LRRTM4: variants seen among roughly 807,000 people sequenced by gnomAD.
LRRTM4 encodes leucine-rich repeat transmembrane neuronal protein 4.
Under a neutral mutation model 47.6 loss-of-function variants are expected in LRRTM4, and 25 were observed. The observed-to-expected ratio is 0.53, with a 90% CI of 0.38 to 0.73. LRRTM4 has a LOEUF of 0.73. LRRTM4 is among the 30% of genes least tolerant of loss of function. LRRTM4 has a pLI of 0.00. For synonymous variants in LRRTM4, 311 were observed against 269.5 expected, an observed-to-expected ratio of 1.15 and a Z score of -1.51; for missense variants, 638 against 713.4, an observed-to-expected ratio of 0.89 and a Z score of 1.20.
rs577972818 is a variant in LRRTM4 at position 77,232,831 on chromosome 2, A to G, written c.1551+285487T>C. On this transcript the variant is annotated intron_variant, in intron 3 of 3. Coordinates refer to ENST00000409884, the MANE Select transcript of LRRTM4 (RefSeq NM_001134745.3). ...ATGGTTCTACATGGAAGTAACTTGC[A>G]TCTTAAGATCATATCATTTTTCATT... 7.9e-5 allele frequency among the ~76,000 whole-genome samples: 12 copies of G among 152,366 alleles called. 1 individual carries two copies. The South Asian group carries it at 2.5e-3, about 32-fold the overall frequency.
At chr2:76,845,929 T>C (rs2103951909) in intron 3 of LRRTM4, among the ~76,000 whole-genome samples, 1 of 152,234 alleles carries the variant, frequency 6.6e-6, no homozygotes, top group African/African-American at 2.4e-5. Context: ...ACAGTTGATC[T>C]TTGAACAAAA....
At chr2:76,834,707 G>T (rs115252306) in intron 3 of LRRTM4, among the ~76,000 whole-genome samples, 2,384 of 151,996 alleles carry the variant, frequency 0.016, 54 homozygotes, top group African/African-American at 0.05. Flanking sequence ...TATCTAGTTT[G>T]TTAGCTTATA....
At chr2:76,887,830 T>A (rs1673126386) in intron 3 of LRRTM4, among the ~76,000 whole-genome samples, 1 of 151,108 alleles carries the variant, frequency 6.6e-6, no homozygotes, top group African/African-American at 2.4e-5. Flanking sequence ...AAAATAATAA[T>A]TTACTACTTA....
chr2:77,316,342 T>A (rs533307809), intron 3 of LRRTM4, among the ~76,000 whole-genome samples: 25 of 152,326 alleles, frequency 1.6e-4, no homozygotes, highest in African/African-American at 6.0e-4. Context: ...TAGGCAATTA[T>A]GAAAAGACTT....
intron 3 of LRRTM4, among the ~76,000 whole-genome samples, chr2:76,921,727 T>G (rs1674439122): frequency 6.6e-6 from 1 of 152,120 alleles, no homozygotes; most frequent in South Asian, 2.1e-4. Flanking sequence ...TATATCCCTT[T>G]AATATTTCCC....
chr2:76,863,963 A>G (rs2091418158), intron 3 of LRRTM4, among the ~76,000 whole-genome samples: 1 of 152,200 alleles, frequency 6.6e-6, no homozygotes, highest in Admixed American at 6.5e-5. Context: ...TATGGGACCT[A>G]AAAAGATTCA....
chr2:77,124,049 A>T (rs1671589496), intron 3 of LRRTM4, among the ~76,000 whole-genome samples: 1 of 152,022 alleles, frequency 6.6e-6, no homozygotes, highest in Admixed American at 6.6e-5. Context: ...TGTGTTTGTG[A>T]GTGAAGTAGT....
At chr2:77,167,875 G>T (rs1379848659) in intron 3 of LRRTM4, among the ~76,000 whole-genome samples, 3 of 151,922 alleles carry the variant, frequency 2.0e-5, no homozygotes, top group Admixed American at 1.3e-4. Context: ...GGGTGCACCA[G>T]ACCAACATAG....
At chr2:77,367,636 T>C (rs1672511266) in intron 3 of LRRTM4, among the ~76,000 whole-genome samples, 1 of 151,876 alleles carries the variant, frequency 6.6e-6, no homozygotes, top group Non-Finnish European at 1.5e-5. Flanking sequence ...CAAGGATATT[T>C]CTGTTTCCAG....
intron 3 of LRRTM4, among the ~76,000 whole-genome samples, chr2:76,845,972 G>T (rs1260431074): frequency 6.6e-6 from 1 of 152,024 alleles, no homozygotes; most frequent in African/African-American, 2.4e-5. Flanking sequence ...ACTTATACAC[G>T]GATTTTTTTC....
At chr2:76,835,467 T>C (rs1053714655) in intron 3 of LRRTM4, among the ~76,000 whole-genome samples, 2 of 152,130 alleles carry the variant, frequency 1.3e-5, no homozygotes, top group Non-Finnish European at 2.9e-5. Context: ...TCTGATTTAT[T>C]CTTGCATTTA....
chr2:76,794,185 C>A (rs1675131506), intron 3 of LRRTM4, among the ~76,000 whole-genome samples: 1 of 152,100 alleles, frequency 6.6e-6, no homozygotes, highest in South Asian at 2.1e-4. Flanking sequence ...TCAGAGTAAC[C>A]AGAGATTACT....
chr2:77,268,549 C>T (rs1398561874), intron 3 of LRRTM4, among the ~76,000 whole-genome samples: 1 of 152,116 alleles, frequency 6.6e-6, no homozygotes, highest in African/African-American at 2.4e-5. Context: ...ACCTCCAATC[C>T]ATTCTGCACG....
chr2:76,952,617 G>A (rs955276506), intron 3 of LRRTM4, among the ~76,000 whole-genome samples: 6 of 151,962 alleles, frequency 3.9e-5, no homozygotes, highest in Admixed American at 1.3e-4. Flanking sequence ...CGGCACGGTG[G>A]AAAACAATTT....
At chr2:76,958,881 C>T (rs1268370039) in intron 3 of LRRTM4, among the ~76,000 whole-genome samples, 1 of 151,678 alleles carries the variant, frequency 6.6e-6, no homozygotes, top group African/African-American at 2.4e-5. Context: ...CAAACACCAC[C>T]ACCCAAGTAT....
chr2:76,976,878 GT>G lies in LRRTM4; in HGVS notation c.1552-227963del, dbSNP rs1218259973. Among the ~76,000 whole-genome samples the G allele has an allele frequency of 8.6e-5, 13 of 151,810 alleles. No individual in the cohort carries two copies. In the East Asian group the frequency reaches 1.9e-3, roughly 23 times the overall value. ...CACAAAGAAACAATAAATGTTCTAT[GT>G]GATAGCTATGCTAATGACCCTAATT... On this transcript the variant is annotated intron_variant, in intron 3 of 3. Transcript: ENST00000409884.
At chr2:77,276,686 CATATAT>C (rs3980215) in intron 3 of LRRTM4, among the ~76,000 whole-genome samples, 6,860 of 71,510 alleles carry the variant, frequency 0.096, 794 homozygotes, top group Middle Eastern at 0.19. Flanking sequence ...TTTGTGTACG[CATATAT>C]ATATATATAT....
At chr2:77,050,361 G>A (rs1177896760) in intron 3 of LRRTM4, among the ~76,000 whole-genome samples, 6 of 152,082 alleles carry the variant, frequency 3.9e-5, no homozygotes, top group Non-Finnish European at 8.8e-5. Context: ...AATGCCAGAT[G>A]CTATTTATAA....
chr2:77,211,049 C>T (rs78453194), intron 3 of LRRTM4, among the ~76,000 whole-genome samples: 1,543 of 152,126 alleles, frequency 0.01, 6 homozygotes, highest in Non-Finnish European at 0.016. Context: ...TGTTCAAGGC[C>T]CATCCAGGAA....
Sources: gnomAD v4.1 joint callset for allele counts (sites outside exome capture counted in the v4.1 genomes callset) on GRCh38, gnomAD v4.1.1 for gene constraint, MANE v1.5 for transcripts, NCBI Gene and HGNC (gene_info 2026-07-23, HGNC 2026-07-21) for gene names.